Variants in FKBP9 observed in about 807,000 individuals in gnomAD.
The protein encoded by FKBP9 is FKBP prolyl isomerase 9.
In FKBP9, 27 loss-of-function variants were observed where a neutral mutation model predicts 55.6. The observed-to-expected ratio is 0.49, with a 90% confidence interval of 0.36 to 0.67. The LOEUF (loss-of-function observed/expected upper bound fraction) is 0.67. FKBP9 is among the 30% of genes least tolerant of loss of function. The pLI, the probability that FKBP9 is intolerant of heterozygous loss-of-function variation, is 0.00. For synonymous variants in FKBP9, 267 were observed against 296.5 expected (o/e 0.90, Z 1.02); for missense variants, 539 against 742.8 (o/e 0.73, Z 3.19).
intron 1 of FKBP9, among the ~76,000 whole-genome samples, chr7:32,961,508 A>G (rs903278950): frequency 1.3e-5 from 2 of 152,228 alleles, no homozygotes; most frequent in African/African-American, 4.8e-5. Context: ...AAACAGGGGT[A>G]CTGAAATGGG....
chr7:32,959,143 C>T (rs1446750828), intron 1 of FKBP9, among the ~76,000 whole-genome samples: 4 of 151,928 alleles, frequency 2.6e-5, no homozygotes, highest in Non-Finnish European at 5.9e-5. Context: ...CGGTGGCTCA[C>T]GCCTGTAATC....
intron 5 of FKBP9, among the ~76,000 whole-genome samples, chr7:32,983,162 T>G (rs1415275400): frequency 6.6e-6 from 1 of 152,040 alleles, no homozygotes; most frequent in Non-Finnish European, 1.5e-5. Flanking sequence ...TAGCTAGGAT[T>G]ACAGGCATGA....
At chr7:32,979,391 G>A (rs1784426736) in intron 4 of FKBP9, 1 of 728,168 alleles carries the variant, frequency 1.4e-6, no homozygotes, top group Admixed American at 2.2e-5. Flanking sequence ...CCACGCATGC[G>A]ATTTAGGGAT....
intron 6 of FKBP9, chr7:32,994,846 A>G (rs1179881672): frequency 5.6e-6 from 1 of 179,904 alleles, no homozygotes. Flanking sequence ...GCAGACACAG[A>G]AAAGTACGTG....
At chr7:32,975,677 C>T (rs542917848) in intron 3 of FKBP9, among the ~76,000 whole-genome samples, 9 of 147,384 alleles carry the variant, frequency 6.1e-5, no homozygotes, top group East Asian at 6.1e-4. Flanking sequence ...GATGGATTCT[C>T]GCCCTGTCAC....
chr7:32,968,051 A>G (rs186352539), intron 1 of FKBP9, among the ~76,000 whole-genome samples: 1 of 152,124 alleles, frequency 6.6e-6, no homozygotes, highest in Admixed American at 6.6e-5. Context: ...CACCGCGCCC[A>G]GCTTAGACAG....
At chr7:32,981,765 C>T (rs186112349) in intron 5 of FKBP9, among the ~76,000 whole-genome samples, 3 of 151,634 alleles carry the variant, frequency 2.0e-5, no homozygotes, top group Non-Finnish European at 4.4e-5. Context: ...CGTGCACTGG[C>T]GGGTGCCTGT....
Position 32,996,883 on chromosome 7 carries a change from T to C in FKBP9, c.1226+534T>C, listed in dbSNP as rs867593912. 2.6e-3 allele frequency among the ~76,000 whole-genome samples: 370 copies of C among 140,412 alleles called. 3 individuals are homozygous for C. The highest frequency in any genetic ancestry group is 9.5e-3 in the African/African-American group (350 of 36,766). 92.1% of individuals were successfully genotyped at this position (140,412 alleles called of 152,430 possible). On this transcript the variant is annotated intron_variant, in intron 7 of 9. Transcript: ENST00000242209. ...AATCTTGGCTCACTGCAAGCTCCGC[T>C]TCCCGGGTTCACGCCATTCTCCTGC...
chr7:32,957,730 A>G lies in FKBP9; in HGVS notation c.157A>G (p.Ser53Gly). The change falls in exon 1 of 10, where the codon AGC (serine) becomes GGC (glycine). Residue 53 changes from serine to glycine, a missense_variant. By Grantham distance (56) the Ser-to-Gly change is moderately conservative. This residue lies in a region of FKBP9 where 236 missense variants were observed against 271.5 expected (regional missense o/e 0.87). Transcript: ENST00000242209. ...CGACGAGTGCCCGCGCACCGTGCGC[A>G]GCGGCGACTTCGTGCGCTACCACTA... is the stretch of plus-strand genomic sequence containing the variant. ...VPDECPRTVR[S>G]GDFVRYHYVG... The G allele has an allele frequency of 6.6e-7, 1 of 1,523,844 alleles. No homozygotes were observed. Among genetic ancestry groups the G allele is most frequent in the East Asian group, 2.6e-5 (1 of 37,764 alleles). The allele number at this position is 1,523,844 out of a possible 1,614,324, so 94.4% of individuals were successfully genotyped here. A position where few individuals can be genotyped will look rare whatever the true frequency, so the allele number is the denominator to read the frequency against.
chr7:32,960,175 C>T (rs1176672231), intron 1 of FKBP9, among the ~76,000 whole-genome samples: 9 of 134,644 alleles, frequency 6.7e-5, no homozygotes, highest in Middle Eastern at 4.8e-3. Flanking sequence ...TGCAATGGTG[C>T]GATCACAGCT....
intron 9 of FKBP9, 151 bp downstream of exon 9, chr7:33,002,990 G>A (rs1242812673): frequency 7.6e-6 from 5 of 656,300 alleles, no homozygotes; most frequent in Non-Finnish European, 1.3e-5. Context: ...TGTGCCAAGC[G>A]CTTTTACACA....
chr7:32,983,462 C>G (rs1242417132), intron 5 of FKBP9, among the ~76,000 whole-genome samples: 1 of 151,748 alleles, frequency 6.6e-6, no homozygotes, highest in East Asian at 1.9e-4. Flanking sequence ...TTACAGGCGC[C>G]TGTCACCACA....
At chr7:32,980,925 G>A (rs576311685) in intron 5 of FKBP9, among the ~76,000 whole-genome samples, 1 of 151,228 alleles carries the variant, frequency 6.6e-6, no homozygotes. Flanking sequence ...GTAGAGATGG[G>A]CTTAAGTTTC....
At position 32,957,542 on chromosome 7, in the gene FKBP9, G is replaced by A; in HGVS notation, c.-32G>A. ...CCGACCCGTGCCGCCCGAGCGCCGC[G>A]CTGCGTCCGCGCCACTCTTCTCGCC... On this transcript the variant is annotated 5_prime_UTR_variant, in exon 1 of 10. Transcript: ENST00000242209. 7.3e-7 allele frequency: 1 copy of A among 1,379,186 alleles called. No homozygotes were observed. The highest frequency in any genetic ancestry group is 9.3e-7 in the Non-Finnish European group (1 of 1,071,966). 85.4% of individuals were successfully genotyped at this position (1,379,186 alleles called of 1,614,324 possible).
At position 33,002,989 on chromosome 7, in the gene FKBP9, C is replaced by A. The variant is rs1028975553; in HGVS notation, c.1536+150C>A. 1.5e-5 allele frequency: 10 copies of A among 655,278 alleles called. No homozygotes were observed. The Admixed American group carries it at 2.6e-4, about 17-fold the overall frequency. 40.6% of individuals were successfully genotyped at this position (655,278 alleles called of 1,614,324 possible). ...ATGACCAGCACACTTGTGTGCCAAGCGCTTTTACACACACCCTCTCGATGG... is the reference window on the plus strand; with the variant it reads ...ATGACCAGCACACTTGTGTGCCAAGAGCTTTTACACACACCCTCTCGATGG... On this transcript the variant is annotated intron_variant, in intron 9 of 9. Transcript: ENST00000242209.
rs554284590 is a variant in FKBP9, at chr7:32,995,858, C to A, written c.1040-305C>A. Among the ~76,000 whole-genome samples, 11 of 152,308 alleles carry A rather than the reference C, an allele frequency of 7.2e-5. No homozygotes were observed. In the East Asian group the frequency reaches 1.7e-3, roughly 24 times the overall value. On this transcript the variant is annotated intron_variant, in intron 6 of 9. Transcript: ENST00000242209. ...ATCTGTGATCAACTTAGCCACTCAT[C>A]TTTCAGGCTCAACGATTCCATGGGG... is the stretch of plus-strand genomic sequence containing the variant.
rs1784455055 is a variant in FKBP9 at position 32,980,532 on chromosome 7, A to G, written c.872A>G (p.Asp291Gly). ...LRYHYNGTLL[D>G]GTLFDSSYSR... ...TATCATTACAATGGCACGCTTCTGG[A>G]TGGCACCCTCTTTGATTCCAGGTAA... The change falls in exon 5 of 10, where the codon GAT becomes GGT. Residue 291 changes from aspartate (D) to glycine (G), a missense_variant. Coordinates refer to ENST00000242209, the MANE Select transcript of FKBP9 (RefSeq NM_007270.5). 3 of 1,613,520 alleles carry G rather than the reference A, an allele frequency of 1.9e-6. No homozygotes were observed. Among genetic ancestry groups the G allele is most frequent in the Non-Finnish European group, 8.5e-7 (1 of 1,179,768 alleles).
At chr7:32,993,769 T>C (rs1173442379) in intron 6 of FKBP9, among the ~76,000 whole-genome samples, 3 of 151,504 alleles carry the variant, frequency 2.0e-5, no homozygotes, top group Non-Finnish European at 4.4e-5. Flanking sequence ...GCTGAGAACA[T>C]GCCAATGCAC....
chr7:32,976,086 C>G (rs372927346), intron 3 of FKBP9, among the ~76,000 whole-genome samples: 1 of 152,186 alleles, frequency 6.6e-6, no homozygotes, highest in African/African-American at 2.4e-5. Context: ...GGGAACCCTT[C>G]GCAATTTCTT....
Sources: allele counts gnomAD v4.1 joint callset (sites outside exome capture counted in the v4.1 genomes callset), GRCh38; gene constraint gnomAD v4.1.1; regional missense constraint gnomAD v4.1.1; transcripts MANE v1.5; gene names NCBI Gene and HGNC (gene_info 2026-07-23, HGNC 2026-07-21).